The following SLC37A2 variants were observed in gnomAD, a reference collection of about 807,000 sequenced individuals.
The protein encoded by SLC37A2 is glucose-6-phosphate exchanger SLC37A2.
SLC37A2 carries 59 observed loss-of-function variants against 70.7 expected under a neutral mutation model. The ratio of observed to expected loss-of-function variants is 0.83; its 90% CI spans 0.68 to 1.04. SLC37A2 has a LOEUF of 1.04. SLC37A2 is among the 50% of genes least tolerant of loss of function. The probability of loss-of-function intolerance (pLI) is 0.00; values close to 1 mark genes in which losing one functional copy is unlikely to be tolerated. For missense variants in SLC37A2, 580 were observed against 658.1 expected (o/e 0.88, Z 1.30); for synonymous variants, 257 against 262.1 (o/e 0.98, Z 0.19).
Position 125,090,497 on chromosome 11 carries a change from A to G in SLC37A2, c.*2363A>G, listed in dbSNP as rs550172073. On this transcript the variant is annotated 3_prime_UTR_variant, in exon 18 of 18. Coordinates refer to ENST00000403796, the MANE Select transcript of SLC37A2 (RefSeq NM_001145290.2). ...CGCTGTGGGAGCTTTGTTCTTTGCA[A>G]TAAATCTTGCTACTGCTCACTCTTT... Among the ~76,000 whole-genome samples the G allele has an allele frequency of 5.9e-5, 9 of 152,282 alleles. No individual in the cohort carries two copies. In the East Asian group the frequency reaches 1.7e-3, roughly 29 times the overall value.
At chr11:125,086,505 C>G in intron 17 of SLC37A2, 1 of 510,292 alleles carries the variant, frequency 2.0e-6, no homozygotes, top group Non-Finnish European at 3.6e-6. Context: ...CCCTCGGGGA[C>G]AGAGGAGGCA....
Position 125,085,876 on chromosome 11 carries a change from CG to C in SLC37A2, c.1426-75del, listed in dbSNP as rs1334474821. The C allele has an allele frequency of 4.3e-6, 6 of 1,406,360 alleles. No individual in the cohort carries two copies. The Admixed American group carries it at 8.4e-5, about 20-fold the overall frequency. 87.1% of individuals were successfully genotyped at this position (1,406,360 alleles called of 1,614,324 possible). A position where few individuals can be genotyped will look rare whatever the true frequency, so the allele number is the denominator to read the frequency against. On this transcript the variant is annotated intron_variant, in intron 16 of 17. Transcript: ENST00000403796. ...CTCCCCCTTCTCCACTGCCAGTCCA[CG>C]GGTCACCCTGGTGCTGGGCACTCAG...
At chr11:125,066,963 C>CTATTTTATTTTATTT (rs67287584) in intron 1 of SLC37A2, among the ~76,000 whole-genome samples, 87 of 150,734 alleles carry the variant, frequency 5.8e-4, no homozygotes, top group African/African-American at 2.0e-3. Context: ...AGCCTAGTAA[C>CTATTTTATTTTATTT]TATTTTATTT....
In SLC37A2 at chr11:125,089,188, C is replaced by G. The variant is rs1232338761; in HGVS notation, c.*1054C>G. On this transcript the variant is annotated 3_prime_UTR_variant, in exon 18 of 18. Transcript: ENST00000403796. ...TCTGGCTAGCTCTTGGCATCTCCAT[C>G]TGAGCCTAAAGTTGCCCACTGGCAC... The G allele has an allele frequency of 6.6e-6, 1 of 152,364 alleles. No homozygotes were observed. Among genetic ancestry groups the G allele is most frequent in the African/African-American group, 2.4e-5 (1 of 41,468 alleles). 9.4% of individuals were successfully genotyped at this position (152,364 alleles called of 1,614,324 possible). A position where few individuals can be genotyped will look rare whatever the true frequency, so the allele number is the denominator to read the frequency against.
rs117380952 is a variant in SLC37A2, at chr11:125,074,457, G to A, written c.60-2300G>A. Reference sequence around the variant, plus strand: ...ATGGGAGAGCAGCCTCGCTTCAGCCGAAGGGAATCAAGATGTTAGAAATGG... The same window carrying A: ...ATGGGAGAGCAGCCTCGCTTCAGCCAAAGGGAATCAAGATGTTAGAAATGG... On this transcript the variant is annotated intron_variant, in intron 1 of 17. Transcript: ENST00000403796. Among the ~76,000 whole-genome samples the A allele has an allele frequency of 8.9e-3, 1,350 of 152,178 alleles. 16 individuals are homozygous for A. Among genetic ancestry groups the A allele is most frequent in the Non-Finnish European group, 0.012 (820 of 68,016 alleles).
At chr11:125,079,865 C>A (rs942280561) in intron 6 of SLC37A2, 105 bp downstream of exon 6, 2 of 861,328 alleles carry the variant, frequency 2.3e-6, no homozygotes, top group Non-Finnish European at 3.8e-6. Context: ...GGTCAGAAAG[C>A]GGCCTCCACG....
intron 2 of SLC37A2, 146 bp from the exon 3 acceptor site, chr11:125,077,084 C>T: frequency 2.6e-6 from 2 of 768,888 alleles, no homozygotes; most frequent in African/African-American, 1.7e-5. Context: ...GCTGCTTTCC[C>T]CTGCAGCCAG....
chr11:125,087,778 A>C (rs907135445), intron 17 of SLC37A2: 7 of 216,776 alleles, frequency 3.2e-5, no homozygotes, highest in Admixed American at 1.1e-4. Flanking sequence ...GACCACAGGC[A>C]TGCGCCACCA....
chr11:125,063,631 C>G lies in SLC37A2; in HGVS notation c.59+205C>G, dbSNP rs1003087719. Among the ~76,000 whole-genome samples the G allele has an allele frequency of 6.6e-6, 1 of 152,220 alleles. No individual in the cohort carries two copies. The highest frequency in any genetic ancestry group is 1.9e-4 in the East Asian group (1 of 5,180). ...CCCTGCCCAACTCCGCCCGCGCTCC[C>G]CCAGACCCCGCGACGCTGGCTCGGT... On this transcript the variant is annotated intron_variant, in intron 1 of 17. Coordinates refer to ENST00000403796, the MANE Select transcript of SLC37A2 (RefSeq NM_001145290.2). This position sits in a 1 kb window ranked among gnomAD's most constrained non-coding sequence, Gnocchi z 5.4.
intron 1 of SLC37A2, among the ~76,000 whole-genome samples, chr11:125,075,023 G>A (rs1949068422): frequency 6.6e-6 from 1 of 152,190 alleles, no homozygotes; most frequent in Non-Finnish European, 1.5e-5. Flanking sequence ...TTGTGGGACA[G>A]CTGGGACTGA....
At chr11:125,065,963 C>T (rs1948975951) in intron 1 of SLC37A2, among the ~76,000 whole-genome samples, 1 of 152,138 alleles carries the variant, frequency 6.6e-6, no homozygotes, top group African/African-American at 2.4e-5. Flanking sequence ...CTTATATGTC[C>T]AGAAAATAGA....
Position 125,088,235 on chromosome 11 carries a change from C to T in SLC37A2, c.*101C>T. On this transcript the variant is annotated 3_prime_UTR_variant, in exon 18 of 18. Coordinates refer to ENST00000403796, the MANE Select transcript of SLC37A2 (RefSeq NM_001145290.2). ...ACTTCCACAAGCAGGGAAGGCAAAC[C>T]CTCTTTATTGAACATTAGCCAGCCC... 5 of 1,378,326 alleles carry T rather than the reference C, an allele frequency of 3.6e-6. No individual in the cohort carries two copies. Among genetic ancestry groups the T allele is most frequent in the Non-Finnish European group, 5.0e-6 (5 of 991,540 alleles). The allele number at this position is 1,378,326 out of a possible 1,614,324, so 85.4% of individuals were successfully genotyped here.
Position 125,076,840 on chromosome 11 carries a change from T to C in SLC37A2, c.141+2T>C, listed in dbSNP as rs768097551. ...AGGAAGCCTATCAGTATCGTCAAGGTGAGGCTGGCTGGCAGCAAGGAAGAG... is the reference window on the plus strand; with the variant it reads ...AGGAAGCCTATCAGTATCGTCAAGGCGAGGCTGGCTGGCAGCAAGGAAGAG... On this transcript the variant is annotated splice_donor_variant, in intron 2 of 17. Transcript: ENST00000403796. LOFTEE classifies it high-confidence loss of function. 7.4e-6 allele frequency: 12 copies of C among 1,613,882 alleles called. No homozygotes were observed. Among genetic ancestry groups the C allele is most frequent in the Non-Finnish European group, 1.0e-5 (12 of 1,179,954 alleles).
chr11:125,073,882 C>CT (rs1002296059), intron 1 of SLC37A2, among the ~76,000 whole-genome samples: 2 of 152,218 alleles, frequency 1.3e-5, no homozygotes, highest in Non-Finnish European at 2.9e-5. Context: ...AGCCCTGGGT[C>CT]TTCACCTGGC....
intron 8 of SLC37A2, 127 bp downstream of exon 8, chr11:125,081,585 GCC>G: frequency 7.3e-7 from 1 of 1,378,576 alleles, no homozygotes; most frequent in South Asian, 1.4e-5. Context: ...CCAGTGCTAG[GCC>G]CATGGGTTGG....
At chr11:125,073,571 G>A (rs1012007555) in intron 1 of SLC37A2, among the ~76,000 whole-genome samples, 5 of 152,220 alleles carry the variant, frequency 3.3e-5, no homozygotes, top group Non-Finnish European at 7.3e-5. Flanking sequence ...TGGGCATCAG[G>A]AACAATTTCA....
At chr11:125,082,628 C>T (rs1949162694) in intron 10 of SLC37A2, among the ~76,000 whole-genome samples, 1 of 152,128 alleles carries the variant, frequency 6.6e-6, no homozygotes, top group Admixed American at 6.5e-5. Context: ...TTCTCTAGCC[C>T]TTAGTGTAGG....
rs11219890 is a variant in SLC37A2, at chr11:125,080,910, T to C, written c.694+130T>C. 0.22 allele frequency: 142,957 copies of C among 636,706 alleles called. 16,360 individuals are homozygous for C. Among genetic ancestry groups the C allele is most frequent in the South Asian group, 0.35 (5,425 of 15,516 alleles). The allele number at this position is 636,706 out of a possible 1,614,324, so 39.4% of individuals were successfully genotyped here. A position where few individuals can be genotyped will look rare whatever the true frequency, so the allele number is the denominator to read the frequency against. ...CCAGCCGTGTGACTTTGGACAATCT[T>C]TCAGAGCCTTTATTTTCTCATTTGT... is the stretch of plus-strand genomic sequence containing the variant. On this transcript the variant is annotated intron_variant, in intron 7 of 17. Transcript: ENST00000403796. This position sits in a 1 kb window ranked among gnomAD's most constrained non-coding sequence, Gnocchi z 4.3.
rs1270805611 is a variant in SLC37A2 at position 125,063,594 on chromosome 11, G to T, written c.59+168G>T. ...TCCTCCAGCGGCGCCCGCCTCGGAG[G>T]TTGATAACCCTCCCTGCCCAACTCC... is the stretch of plus-strand genomic sequence containing the variant. On this transcript the variant is annotated intron_variant, in intron 1 of 17. Transcript: ENST00000403796. The surrounding 1 kb of genome is among the most constrained non-coding windows in gnomAD (Gnocchi z 5.4). 1.3e-5 allele frequency among the ~76,000 whole-genome samples: 2 copies of T among 152,120 alleles called. No homozygotes were observed. The highest frequency in any genetic ancestry group is 2.4e-5 in the African/African-American group (1 of 41,406).
Sources: gnomAD v4.1 joint callset for allele counts (sites outside exome capture counted in the v4.1 genomes callset) on GRCh38, gnomAD v4.1.1 for gene constraint, Gnocchi (gnomAD v3.1) non-coding constraint, MANE v1.5 for transcripts, NCBI Gene and HGNC (gene_info 2026-07-23, HGNC 2026-07-21) for gene names.